FIGNL1: variants seen among roughly 807,000 people sequenced by gnomAD.
The protein encoded by FIGNL1 is fidgetin like 1, also known as fidgetin-like protein 1.
FIGNL1 carries 11 observed loss-of-function variants against 28.9 expected under a neutral mutation model. The ratio of observed to expected loss-of-function variants is 0.38; its 90% CI spans 0.24 to 0.63. The LOEUF (loss-of-function observed/expected upper bound fraction) is 0.63, where lower values mean the gene tolerates loss of function less well. FIGNL1 is among the 20% of genes least tolerant of loss of function. FIGNL1 has a pLI of 0.57. For synonymous variants in FIGNL1, 295 were observed against 276.5 expected, an observed-to-expected ratio of 1.07 and a Z score of -0.66; for missense variants, 789 against 810.4, an observed-to-expected ratio of 0.97 and a Z score of 0.32.
intron 1 of FIGNL1, 195 bp from the exon 2 acceptor site, chr7:50,449,918 C>G (rs1821690834): frequency 6.6e-6 from 1 of 152,328 alleles, no homozygotes; most frequent in Non-Finnish European, 1.5e-5. Context: ...CACAGGGGAA[C>G]TGACTGACCC....
In FIGNL1 at chr7:50,446,090, A is replaced by C; in HGVS notation, c.1198T>G (p.Trp400Gly). 1.2e-6 allele frequency: 2 copies of C among 1,614,184 alleles called. No individual in the cohort carries two copies. The highest frequency in any genetic ancestry group is 8.5e-7 in the Non-Finnish European group (1 of 1,180,034). ...AATTCTACTCCTGCAATATCTTCCC[A>C]ATTTACTGGAGGTCCATGATCCATA... ...EIMDHGPPVN[W>G]EDIAGVEFAK... The change falls in exon 4 of 4, where the codon TGG (tryptophan) becomes GGG (glycine). Residue 400 changes from tryptophan to glycine, a missense_variant. Transcript: ENST00000433017.
chr7:50,448,815 T>G (rs991407052), intron 2 of FIGNL1: 1 of 152,208 alleles, frequency 6.6e-6, no homozygotes, highest in African/African-American at 2.4e-5. Context: ...AATCTTTGTT[T>G]AAAAAACAAT....
At position 50,445,637 on chromosome 7, in the gene FIGNL1, T is replaced by G; in HGVS notation, c.1651A>C (p.Ile551Leu). The part of the protein sequence containing the change: ...VVGATNRPQE[I>L]DEAARRRLVK... The stretch of plus-strand genomic sequence containing the variant: ...AATCTTCTCCGGGCAGCCTCATCAA[T>G]TTCTTGTGGCCGATTTGTTGCTCCC... Residue 551 changes from isoleucine (I) to leucine (L), a missense_variant, in exon 4 of 4, where the codon ATT (isoleucine) becomes CTT (leucine). Physicochemically the swap from Ile to Leu is conservative, Grantham distance 5. Transcript: ENST00000433017. 6.2e-7 allele frequency: 1 copy of G among 1,614,134 alleles called. No individual in the cohort carries two copies. The highest frequency in any genetic ancestry group is 1.3e-5 in the African/African-American group (1 of 75,048).
Position 50,447,143 on chromosome 7 carries a change from C to CA in FIGNL1, c.144dup (p.Glu49Ter), listed in dbSNP as rs1491299963. On this transcript the variant is annotated frameshift_variant, in exon 4 of 4. Transcript: ENST00000433017. LOFTEE classifies it low-confidence loss of function (END_TRUNC). ...TTGGTAGCACAGACCTGGGAAATCT[C>CA]AGAGTTTGCCCATGCATACTGAATG... is the stretch of plus-strand genomic sequence containing the variant. 1 of 1,614,218 alleles carries CA rather than the reference C, an allele frequency of 6.2e-7. No individual in the cohort carries two copies. The highest frequency in any genetic ancestry group is 2.2e-5 in the East Asian group (1 of 44,886).
In FIGNL1 at chr7:50,444,293, A is replaced by G. The variant is rs1334026566; in HGVS notation, c.*970T>C. The G allele has an allele frequency of 6.6e-6, 1 of 152,242 alleles. No homozygotes were observed. The highest frequency in any genetic ancestry group is 1.5e-5 in the Non-Finnish European group (1 of 68,052). The allele number at this position is 152,242 out of a possible 1,614,324, so 9.4% of individuals were successfully genotyped here. A position where few individuals can be genotyped will look rare whatever the true frequency, so the allele number is the denominator to read the frequency against. On this transcript the variant is annotated 3_prime_UTR_variant, in exon 4 of 4. Coordinates refer to ENST00000433017, the MANE Select transcript of FIGNL1 (RefSeq NM_001287492.4). ...GCGCTCTACCAGATGACTCAATTAT[A>G]TTCCATCCATCCATGGAATCCTAGA...
chr7:50,448,521 C>T (rs895743071), intron 2 of FIGNL1: 4 of 152,268 alleles, frequency 2.6e-5, no homozygotes, highest in East Asian at 3.9e-4. Context: ...TCAAGTTATT[C>T]GCATAAGCTT....
chr7:50,447,800 G>A (rs1429664864), intron 3 of FIGNL1, among the ~76,000 whole-genome samples: 3 of 151,970 alleles, frequency 2.0e-5, no homozygotes, highest in Admixed American at 1.3e-4. Flanking sequence ...GGGCAGTGGC[G>A]CTCTCAGCTC....
In FIGNL1 at chr7:50,445,509, A is replaced by C; in HGVS notation, c.1779T>G (p.Ile593Met). 1 of 1,614,164 alleles carries C rather than the reference A, an allele frequency of 6.2e-7. No individual in the cohort carries two copies. The highest frequency in any genetic ancestry group is 2.2e-5 in the East Asian group (1 of 44,884). ...CATCAGACTGCTGTACAATCTGTTC[A>C]ATTTCTTCTTCACTGAGGCAACACT... ...KEQCCLSEEE[I>M]EQIVQQSDAF... Residue 593 changes from isoleucine (I) to methionine (M), a missense_variant, in exon 4 of 4, where the codon ATT (isoleucine) becomes ATG (methionine). Ile to Met is a conservative substitution (Grantham distance 10). Coordinates refer to ENST00000433017, the MANE Select transcript of FIGNL1 (RefSeq NM_001287492.4).
rs757274596 is a variant in FIGNL1, at chr7:50,447,111, G to T, written c.177C>A (p.Phe59Leu). Residue 59 changes from phenylalanine to leucine, a missense_variant, in exon 4 of 4, where the codon TTC (phenylalanine) becomes TTA (leucine). Phe to Leu is a conservative substitution (Grantham distance 22). Coordinates refer to ENST00000433017, the MANE Select transcript of FIGNL1 (RefSeq NM_001287492.4). ...CAGAATATTTCTCTGCATATTTTTT[G>T]AACAGTTTGGTAGCACAGACCTGGG... ...EISQVCATKL[F>L]KKYAEKYSAI... 8 of 1,614,022 alleles carry T rather than the reference G, an allele frequency of 5.0e-6. No homozygotes were observed. Among genetic ancestry groups the T allele is most frequent in the South Asian group, 1.1e-5 (1 of 91,064 alleles).
rs1274135217 is a variant in FIGNL1 at position 50,446,027 on chromosome 7, T to C, written c.1261A>G (p.Met421Val). 1 of 1,614,096 alleles carries C rather than the reference T, an allele frequency of 6.2e-7. No individual in the cohort carries two copies. Among genetic ancestry groups the C allele is most frequent in the Non-Finnish European group, 8.5e-7 (1 of 1,180,044 alleles). The change falls in exon 4 of 4, where the codon ATG (methionine) becomes GTG (valine). Residue 421 changes from methionine (M) to valine (V), a missense_variant. Transcript: ENST00000433017. ...ATIKEIVVWPMLRPDIFTGLR... is the reference protein window; with the variant it reads ...ATIKEIVVWPVLRPDIFTGLR... Reference sequence around the variant, plus strand: ...CCAGTAAAGATGTCTGGCCTCAACATGGGCCACACAACTATTTCCTTTATG... The same window carrying C: ...CCAGTAAAGATGTCTGGCCTCAACACGGGCCACACAACTATTTCCTTTATG...
At position 50,446,431 on chromosome 7, in the gene FIGNL1, G is replaced by A; in HGVS notation, c.857C>T (p.Pro286Leu). The change falls in exon 4 of 4, where the codon CCA becomes CTA. Residue 286 changes from proline (P) to leucine (L), a missense_variant. Transcript: ENST00000433017. ...TGTAGGCAGGCTGCTATCCTCCTTTGGGCCATTATCTTCTGTTTTACTACA... is the reference window on the plus strand; with the variant it reads ...TGTAGGCAGGCTGCTATCCTCCTTTAGGCCATTATCTTCTGTTTTACTACA... The part of the protein sequence containing the change: ...KACSKTEDNG[P>L]KEDSSLPTFK... 6.2e-7 allele frequency: 1 copy of A among 1,614,066 alleles called. No homozygotes were observed. Among genetic ancestry groups the A allele is most frequent in the Non-Finnish European group, 8.5e-7 (1 of 1,180,022 alleles).
chr7:50,448,154 C>T (rs960120546), intron 3 of FIGNL1, 27 bp downstream of exon 3: 3 of 152,096 alleles, frequency 2.0e-5, no homozygotes, highest in Non-Finnish European at 2.9e-5. Flanking sequence ...ATGTACAAAC[C>T]GAGGCTGAGA....
At chr7:50,448,418 A>C (rs781662080) in intron 2 of FIGNL1, 129 bp from the exon 3 acceptor site, 1 of 152,244 alleles carries the variant, frequency 6.6e-6, no homozygotes, top group Non-Finnish European at 1.5e-5. Context: ...TCCTAATTTC[A>C]CATAATTATT....
Position 50,446,127 on chromosome 7 carries a change from A to G in FIGNL1, c.1161T>C (p.Ile387=). 6.2e-7 allele frequency: 1 copy of G among 1,614,226 alleles called. No individual in the cohort carries two copies. Among genetic ancestry groups the G allele is most frequent in the Non-Finnish European group, 8.5e-7 (1 of 1,180,048 alleles). ...KNLEPKMIEL[I]MNEIMDHGPP... ...GTCCATGATCCATAATCTCATTCAT[A>G]ATAAGTTCAATCATCTTTGGCTCCA... Residue 387 remains isoleucine (I), a synonymous_variant, in exon 4 of 4, where the codon ATT becomes ATC. Transcript: ENST00000433017.
chr7:50,447,588 G>A (rs1306243263), intron 3 of FIGNL1, among the ~76,000 whole-genome samples: 1 of 151,180 alleles, frequency 6.6e-6, no homozygotes, highest in African/African-American at 2.4e-5. Context: ...CATTCATAAG[G>A]TTTAAAATTA....
rs750656597 is a variant in FIGNL1, at chr7:50,446,611, T to G, written c.677A>C (p.Lys226Thr). 2 of 1,614,190 alleles carry G rather than the reference T, an allele frequency of 1.2e-6. No individual in the cohort carries two copies. The highest frequency in any genetic ancestry group is 3.3e-5 in the Admixed American group (2 of 60,028). ...TTCTTTTGCAGAGCTGTGATTTTCC[T>G]TTTTGACATTTCCAAACAATGGTGT... Reference protein sequence around the residue: ...HVTPLFGNVKKENHSSAKENI... With the variant: ...HVTPLFGNVKTENHSSAKENI... Residue 226 changes from lysine (K) to threonine (T), a missense_variant, in exon 4 of 4, where the codon AAG becomes ACG. Coordinates refer to ENST00000433017, the MANE Select transcript of FIGNL1 (RefSeq NM_001287492.4).
At chr7:50,447,390 G>A (rs775775757) in intron 3 of FIGNL1, 93 bp from the exon 4 acceptor site, 74 of 853,332 alleles carry the variant, frequency 8.7e-5, no homozygotes, top group Non-Finnish European at 1.2e-4. Context: ...TCTGAAGGAA[G>A]GGACACTGGA....
rs1286575316 is a variant in FIGNL1 at position 50,446,411 on chromosome 7, G to A, written c.877C>T (p.Pro293Ser). 6.2e-7 allele frequency: 1 copy of A among 1,614,112 alleles called. No individual in the cohort carries two copies. The highest frequency in any genetic ancestry group is 1.7e-5 in the Admixed American group (1 of 60,008). The change falls in exon 4 of 4, where the codon CCT becomes TCT. Residue 293 changes from proline to serine, a missense_variant. Coordinates refer to ENST00000433017, the MANE Select transcript of FIGNL1 (RefSeq NM_001287492.4). ...TGTTCTTTTGCAGTTTTAAATGTAG[G>A]CAGGCTGCTATCCTCCTTTGGGCCA... ...DNGPKEDSSL[P>S]TFKTAKEQLW...
chr7:50,445,872 A>G lies in FIGNL1; in HGVS notation c.1416T>C (p.Ser472=). The G allele has an allele frequency of 6.2e-7, 1 of 1,614,158 alleles. No individual in the cohort carries two copies. ...TTTTCTCCCCCTCACCTACCCATTT[A>G]GAAGTTAAGGATGAAGCAGAGATGC... ...FFSISASSLT[S]KWVGEGEKMV... is the part of the protein sequence containing the mutation. The change falls in exon 4 of 4, where the codon TCT becomes TCC. Residue 472 remains serine, a synonymous_variant. Coordinates refer to ENST00000433017, the MANE Select transcript of FIGNL1 (RefSeq NM_001287492.4).
Sources: allele counts gnomAD v4.1 joint callset (sites outside exome capture counted in the v4.1 genomes callset), GRCh38; gene constraint gnomAD v4.1.1; transcripts MANE v1.5; gene names NCBI Gene and HGNC (gene_info 2026-07-23, HGNC 2026-07-21).